HUWE1: variants seen among roughly 807,000 people sequenced by gnomAD.
HUWE1 encodes HECT, UBA and WWE domain containing E3 ubiquitin protein ligase 1.
HUWE1 carries 18 observed loss-of-function variants against 299.4 expected under a neutral mutation model. That is an observed-to-expected ratio of 0.06 (90% CI 0.04 to 0.09). The LOEUF is 0.09. Ranked by LOEUF, HUWE1 falls within the 10% of genes least tolerant of loss-of-function variation. The pLI is 1.00. For synonymous variants in HUWE1, 1,317 were observed against 1,286.1 expected (o/e 1.02, Z -0.51); for missense variants, 1,832 against 3,462.3 (o/e 0.53, Z 11.82).
rs1326857029 is a variant in HUWE1 at position 53,563,021 on chromosome X, A to G, written c.7106-92T>C. On this transcript the variant is annotated intron_variant, in intron 52 of 83. Coordinates refer to ENST00000262854, the MANE Select transcript of HUWE1 (RefSeq NM_031407.7). ...TAAAGTAGCTATGTACACCTAGCAG[A>G]TATCCACTTTTTTTTGGATGAGGGA... 7 of 730,936 alleles carry G rather than the reference A, an allele frequency of 9.6e-6. No homozygotes were observed. The East Asian group carries it at 2.3e-4, about 24-fold the overall frequency. The allele number at this position is 730,936 out of a possible 1,213,427, so 60.2% of individuals were successfully genotyped here. A position where few individuals can be genotyped will look rare whatever the true frequency, so the allele number is the denominator to read the frequency against.
intron 3 of HUWE1, among the ~76,000 whole-genome samples, chrX:53,674,169 C>T (rs1422299596): frequency 7.2e-5 from 8 of 111,417 alleles, no homozygotes; most frequent in African/African-American, 2.6e-4. Flanking sequence ...TGTTAGTGGA[C>T]GTTTTTAGTT....
chrX:53,577,472 A>AC (rs1394818102), intron 43 of HUWE1, among the ~76,000 whole-genome samples: 1 of 96,140 alleles, frequency 1.0e-5, no homozygotes, highest in East Asian at 3.3e-4. Context: ...AAAAAAAAAA[A>AC]AAAACTCCCT....
intron 7 of HUWE1, among the ~76,000 whole-genome samples, chrX:53,641,536 A>C (rs1400125696): frequency 2.7e-5 from 3 of 111,854 alleles, no homozygotes; most frequent in Non-Finnish European, 5.7e-5. Flanking sequence ...TTCAGGGGTA[A>C]ACTCTAAAAA....
rs782416324 is a variant in HUWE1, at chrX:53,685,469, G to A, written c.-163+801C>T. On this transcript the variant is annotated intron_variant, in intron 2 of 83. Coordinates refer to ENST00000262854, the MANE Select transcript of HUWE1 (RefSeq NM_031407.7). ...TTTTATTCGTTTCTCTTGCTATTGCGAACAGGTTTTTTATTATTAAAATTT... is the reference window on the plus strand; with the variant it reads ...TTTTATTCGTTTCTCTTGCTATTGCAAACAGGTTTTTTATTATTAAAATTT... 2.7e-5 allele frequency among the ~76,000 whole-genome samples: 3 copies of A among 111,817 alleles called. No homozygotes were observed. In the South Asian group the frequency reaches 1.1e-3, roughly 41 times the overall value.
Position 53,575,142 on chromosome X carries a change from A to G in HUWE1, c.6097+13T>C. Reference sequence around the variant, plus strand: ...GGAATAAGAACATGGTAGTGAGAAAAGCAAATCATTACCCTCTCCTTGGGA... The same window carrying G: ...GGAATAAGAACATGGTAGTGAGAAAGGCAAATCATTACCCTCTCCTTGGGA... On this transcript the variant is annotated intron_variant, in intron 46 of 83. Coordinates refer to ENST00000262854, the MANE Select transcript of HUWE1 (RefSeq NM_031407.7). 8.5e-7 allele frequency: 1 copy of G among 1,183,346 alleles called. No individual in the cohort carries two copies. Among genetic ancestry groups the G allele is most frequent in the South Asian group, 1.8e-5 (1 of 55,139 alleles).
At position 53,559,339 on chromosome X, in the gene HUWE1, AC is replaced by A; in HGVS notation, c.7915+14del. ...TCTGACAAATTCTACCCTCCCTTTC[AC>A]CACACAAACTTGCCTGCTTGGCTGG... On this transcript the variant is annotated intron_variant, in intron 57 of 83. Transcript: ENST00000262854. 6.6e-6 allele frequency: 8 copies of A among 1,205,602 alleles called. No homozygotes were observed. The highest frequency in any genetic ancestry group is 7.9e-6 in the Non-Finnish European group (7 of 889,986).
In HUWE1 at chrX:53,573,822, C is replaced by T. The variant is rs782511837; in HGVS notation, c.6240G>A (p.Arg2080=). 1.7e-6 allele frequency: 2 copies of T among 1,211,139 alleles called. No individual in the cohort carries two copies. The highest frequency in any genetic ancestry group is 1.7e-5 in the African/African-American group (1 of 57,820). Residue 2080 remains arginine, a synonymous_variant, in exon 47 of 84, where the codon AGG becomes AGA. Transcript: ENST00000262854. The stretch of plus-strand genomic sequence containing the variant: ...TCAGGGTAGCAATACCAACATAGGA[C>T]CTCACCAACTCTGCCAGAAGACGAA... ...TILRLLAELV[R]SYVGIATLIA...
intron 13 of HUWE1, among the ~76,000 whole-genome samples, chrX:53,629,240 C>A (rs2066713314): frequency 1.8e-5 from 2 of 111,320 alleles, no homozygotes; most frequent in Admixed American, 1.9e-4. Context: ...TACCTGCATG[C>A]CAGAAGTGGA....
chrX:53,624,710 T>C (rs1557015515), intron 18 of HUWE1, 35 bp from the exon 19 acceptor site: 11 of 1,013,180 alleles, frequency 1.1e-5, no homozygotes, highest in Non-Finnish European at 1.5e-5. Context: ...AGAATACGAA[T>C]AGTCTGGAAA....
intron 17 of HUWE1, 149 bp from the exon 18 acceptor site, chrX:53,625,407 T>C (rs1344488947): frequency 2.3e-6 from 1 of 432,148 alleles, no homozygotes; most frequent in Non-Finnish European, 4.1e-6. Context: ...TTAGGAAGAA[T>C]ACTTAATTAA....
At chrX:53,642,011 CCA>C (rs1265473820) in intron 7 of HUWE1, among the ~76,000 whole-genome samples, 1 of 110,298 alleles carries the variant, frequency 9.1e-6, no homozygotes, top group African/African-American at 3.3e-5. Context: ...TATAATACAC[CCA>C]CACACACACA....
At chrX:53,604,346 T>C (rs1173009746) in intron 26 of HUWE1, among the ~76,000 whole-genome samples, 2 of 111,737 alleles carry the variant, frequency 1.8e-5, no homozygotes, top group Admixed American at 9.5e-5. Context: ...GCCAGATGAA[T>C]ACCCAATTGA....
rs970630563 is a variant in HUWE1, at chrX:53,686,330, C to G, written c.-223G>C. On this transcript the variant is annotated 5_prime_UTR_variant, in exon 2 of 84. Coordinates refer to ENST00000262854, the MANE Select transcript of HUWE1 (RefSeq NM_031407.7). ...CCGCCGGCAGCTGCCGGGCTGCCCC[C>G]GAAGATGCGGCTAGCTCTCCGCTGG... 8.8e-6 allele frequency: 1 copy of G among 113,279 alleles called. No individual in the cohort carries two copies. Among genetic ancestry groups the G allele is most frequent in the African/African-American group, 3.2e-5 (1 of 31,151 alleles). 9.3% of individuals were successfully genotyped at this position (113,279 alleles called of 1,213,427 possible). A position where few individuals can be genotyped will look rare whatever the true frequency, so the allele number is the denominator to read the frequency against.
At chrX:53,569,480 C>T (rs2062723094) in intron 48 of HUWE1, 136 bp downstream of exon 48, 1 of 579,671 alleles carries the variant, frequency 1.7e-6, no homozygotes, top group Non-Finnish European at 2.9e-6. Context: ...ACCGCCAGAA[C>T]TATTTGAGCG....
intron 23 of HUWE1, among the ~76,000 whole-genome samples, chrX:53,609,153 G>GA (rs1218147641): frequency 9.0e-6 from 1 of 111,060 alleles, no homozygotes; most frequent in Non-Finnish European, 1.9e-5. Flanking sequence ...TATACCGCAG[G>GA]AAAAAAACAG....
At chrX:53,561,315 G>A (rs1269558457) in intron 55 of HUWE1, among the ~76,000 whole-genome samples, 4 of 112,174 alleles carry the variant, frequency 3.6e-5, no homozygotes, top group East Asian at 2.8e-4. Context: ...CCGAAAAGAC[G>A]CATCCTGGAT....
In HUWE1 at chrX:53,546,818, G is replaced by A; in HGVS notation, c.10644C>T (p.Pro3548=). The part of the protein sequence containing the change: ...TTATTTVSIS[P]TTKGSKSPAK... ...CTGGAGATTTGCTGCCCTTAGTAGTGGGAGAAACTTTGAGGAAACAGACAG... is the reference window on the plus strand; with the variant it reads ...CTGGAGATTTGCTGCCCTTAGTAGTAGGAGAAACTTTGAGGAAACAGACAG... Residue 3548 remains proline, a synonymous_variant, in exon 69 of 84, where the codon CCC becomes CCT. Transcript: ENST00000262854. 1 of 1,206,099 alleles carries A rather than the reference G, an allele frequency of 8.3e-7. No homozygotes were observed. The highest frequency in any genetic ancestry group is 1.7e-5 in the African/African-American group (1 of 57,579).
rs782410644 is a variant in HUWE1, at chrX:53,534,570, G to A, written c.12777C>T (p.Ile4259=). 4 of 1,208,114 alleles carry A rather than the reference G, an allele frequency of 3.3e-6. No homozygotes were observed. Among genetic ancestry groups the A allele is most frequent in the Middle Eastern group, 2.3e-4 (1 of 4,322 alleles). Residue 4259 remains isoleucine, a synonymous_variant, in exon 82 of 84, where the codon ATC becomes ATT. Transcript: ENST00000262854. The part of the protein sequence containing the change: ...LLISGLPTID[I]DDLKSNTEYH... ...ATTCAGTGTTGGATTTCAGATCATC[G>A]ATGTCAATGGTGGGCAGTCCTGATA...
chrX:53,653,981 A>G, intron 4 of HUWE1, 82 bp downstream of exon 4: 1 of 664,895 alleles, frequency 1.5e-6, no homozygotes, highest in Non-Finnish European at 2.4e-6. Flanking sequence ...TGAGATTTGA[A>G]GAGCATGGAT....
Sources: gnomAD v4.1 joint callset for allele counts (sites outside exome capture counted in the v4.1 genomes callset) on GRCh38, gnomAD v4.1.1 for gene constraint, MANE v1.5 for transcripts, NCBI Gene and HGNC (gene_info 2026-07-23, HGNC 2026-07-21) for gene names.